The following ITGB3 variants were observed in gnomAD, a reference collection of about 807,000 sequenced individuals.
ITGB3 encodes the protein integrin beta-3.
In ITGB3, 48 loss-of-function variants were observed where a neutral mutation model predicts 85.8. The observed-to-expected ratio is 0.56, with a 90% CI of 0.44 to 0.71. The LOEUF (loss-of-function observed/expected upper bound fraction) is 0.71. ITGB3 is among the 30% of genes least tolerant of loss of function. The pLI, the probability that ITGB3 is intolerant of heterozygous loss-of-function variation, is 0.00. For synonymous variants in ITGB3, 363 were observed against 395.6 expected (o/e 0.92, Z 0.98); for missense variants, 861 against 1,019.1 (o/e 0.84, Z 2.11).
At chr17:47,309,723 ATC>A (rs2065205405) in intron 14 of ITGB3, among the ~76,000 whole-genome samples, 1 of 151,652 alleles carries the variant, frequency 6.6e-6, no homozygotes, top group Non-Finnish European at 1.5e-5. Context: ...AAGAAACCCC[ATC>A]TCTACAAAAA....
At position 47,297,835 on chromosome 17, in the gene ITGB3, T is replaced by C. The variant is rs1403527631; in HGVS notation, c.1691-1473T>C. Reference sequence around the variant, plus strand: ...AGTTTGAAGTTACAGTGAGCAATGATTGCACCACTGCACTGTAGCCTGGGT... The same window carrying C: ...AGTTTGAAGTTACAGTGAGCAATGACTGCACCACTGCACTGTAGCCTGGGT... On this transcript the variant is annotated intron_variant, in intron 10 of 14. Coordinates refer to ENST00000559488, the MANE Select transcript of ITGB3 (RefSeq NM_000212.3). 2.7e-5 allele frequency among the ~76,000 whole-genome samples: 4 copies of C among 147,722 alleles called. No individual in the cohort carries two copies. The South Asian group carries it at 6.4e-4, about 24-fold the overall frequency.
At chr17:47,259,324 T>G (rs913688959) in intron 1 of ITGB3, 6 of 151,168 alleles carry the variant, frequency 4.0e-5, no homozygotes, top group African/African-American at 1.5e-4. Context: ...CTTGACTTTT[T>G]TTTTTTCCTT....
At chr17:47,266,970 A>T (rs914606001) in intron 1 of ITGB3, among the ~76,000 whole-genome samples, 2 of 151,722 alleles carry the variant, frequency 1.3e-5, no homozygotes, top group Non-Finnish European at 2.9e-5. Flanking sequence ...CGCTCCCACG[A>T]CTCCTTCTGC....
At chr17:47,263,036 C>CA (rs1421488486) in intron 1 of ITGB3, among the ~76,000 whole-genome samples, 1 of 152,078 alleles carries the variant, frequency 6.6e-6, no homozygotes, top group East Asian at 1.9e-4. Flanking sequence ...GACATAGACT[C>CA]AAAGAGGCAC....
chr17:47,282,816 C>T (rs149230846), intron 2 of ITGB3, among the ~76,000 whole-genome samples: 6 of 152,326 alleles, frequency 3.9e-5, no homozygotes, highest in African/African-American at 1.4e-4. Flanking sequence ...TCTCCACTCT[C>T]CTCCAACAAT....
chr17:47,283,038 G>A (rs895045463), intron 2 of ITGB3, among the ~76,000 whole-genome samples: 1 of 151,836 alleles, frequency 6.6e-6, no homozygotes, highest in Non-Finnish European at 1.5e-5. Context: ...CCATGAATAG[G>A]CCTTCTTGAT....
In ITGB3 at chr17:47,312,419, T is replaced by C. The variant is rs572644422; in HGVS notation, c.*2215T>C. ...GGGATAAATAGGGGGCGGGGAGGGATAGTCATGGATCCAAGAAGTCCTTAG... is the reference window on the plus strand; with the variant it reads ...GGGATAAATAGGGGGCGGGGAGGGACAGTCATGGATCCAAGAAGTCCTTAG... On this transcript the variant is annotated 3_prime_UTR_variant, in exon 15 of 15. Coordinates refer to ENST00000559488, the MANE Select transcript of ITGB3 (RefSeq NM_000212.3). 2.6e-5 allele frequency among the ~76,000 whole-genome samples: 4 copies of C among 152,230 alleles called. No individual in the cohort carries two copies. Among genetic ancestry groups the C allele is most frequent in the African/African-American group, 9.6e-5 (4 of 41,536 alleles).
At chr17:47,261,653 G>A (rs1257682245) in intron 1 of ITGB3, among the ~76,000 whole-genome samples, 1 of 151,876 alleles carries the variant, frequency 6.6e-6, no homozygotes, top group Admixed American at 6.6e-5. Flanking sequence ...CCGAGTAGCT[G>A]GGATCACAGG....
chr17:47,302,917 A>G, intron 13 of ITGB3, 77 bp downstream of exon 13: 4 of 1,563,328 alleles, frequency 2.6e-6, no homozygotes, highest in Admixed American at 3.4e-5. Flanking sequence ...ATCTCTACTC[A>G]TCGAAGCTGT....
At chr17:47,296,755 A>G (rs1367793157) in intron 10 of ITGB3, among the ~76,000 whole-genome samples, 1 of 152,172 alleles carries the variant, frequency 6.6e-6, no homozygotes, top group Non-Finnish European at 1.5e-5. Context: ...GTCCTCCCCA[A>G]CAAAAAATTA....
rs182283778 is a variant in ITGB3, at chr17:47,255,383, A to G, written c.79+1443A>G. Among the ~76,000 whole-genome samples the G allele has an allele frequency of 1.9e-3, 284 of 152,238 alleles. 1 individual carries two copies. Among genetic ancestry groups the G allele is most frequent in the Admixed American group, 2.9e-3 (45 of 15,290 alleles). ...CGTCAAGACTCTTCTGTGTATGTAT[A>G]GACGTATAACTCATTCTGGACAGGG... On this transcript the variant is annotated intron_variant, in intron 1 of 14. Transcript: ENST00000559488.
At chr17:47,288,080 GTCTT>G (rs1379940688) in intron 6 of ITGB3, among the ~76,000 whole-genome samples, 1 of 151,668 alleles carries the variant, frequency 6.6e-6, no homozygotes, top group African/African-American at 2.4e-5. Context: ...TGAAAACAGG[GTCTT>G]TCTATGTTGC....
intron 14 of ITGB3, among the ~76,000 whole-genome samples, chr17:47,308,943 C>T (rs978642370): frequency 7.4e-5 from 11 of 148,068 alleles, no homozygotes; most frequent in Non-Finnish European, 1.5e-4. Context: ...CCTCCTCTCC[C>T]ATTCCCTCCC....
intron 1 of ITGB3, among the ~76,000 whole-genome samples, chr17:47,255,972 T>A (rs1056747059): frequency 1.5e-4 from 21 of 142,744 alleles, no homozygotes; most frequent in Admixed American, 4.8e-4. Context: ...TCAGTAAAAA[T>A]AAATAAATAA....
chr17:47,268,663 C>T (rs1187660326), intron 1 of ITGB3, among the ~76,000 whole-genome samples: 12 of 152,230 alleles, frequency 7.9e-5, no homozygotes, highest in Admixed American at 7.9e-4. Flanking sequence ...TGTGGCTTTG[C>T]AGGGTACAGC....
intron 1 of ITGB3, among the ~76,000 whole-genome samples, chr17:47,261,847 C>T (rs913104262): frequency 1.8e-4 from 28 of 152,304 alleles, no homozygotes; most frequent in African/African-American, 6.7e-4. Flanking sequence ...ATACTCTAGG[C>T]ATCTTTTTAT....
chr17:47,282,511 G>A (rs2065087475), intron 2 of ITGB3, among the ~76,000 whole-genome samples: 1 of 152,224 alleles, frequency 6.6e-6, no homozygotes, highest in Non-Finnish European at 1.5e-5. Context: ...ACTAGGCTTG[G>A]AGGAATTAGG....
intron 8 of ITGB3, 102 bp downstream of exon 8, chr17:47,290,376 G>A (rs892005086): frequency 2.2e-5 from 21 of 965,986 alleles, no homozygotes; most frequent in Non-Finnish European, 3.2e-5. Flanking sequence ...TCTACCACAC[G>A]GTCTTACTGC....
rs183290178 is a variant in ITGB3, at chr17:47,281,110, T to C, written c.166-2244T>C. 5.9e-5 allele frequency among the ~76,000 whole-genome samples: 9 copies of C among 152,378 alleles called. No individual in the cohort carries two copies. In the East Asian group the frequency reaches 1.5e-3, roughly 26 times the overall value. On this transcript the variant is annotated intron_variant, in intron 2 of 14. Transcript: ENST00000559488. ...TATAATAGTTCCAGCATTATGGAAC[T>C]GTCAGGCATATTGCAATAATCCATG...
Sources: gnomAD v4.1 joint callset for allele counts (sites outside exome capture counted in the v4.1 genomes callset) on GRCh38, gnomAD v4.1.1 for gene constraint, MANE v1.5 for transcripts, NCBI Gene and HGNC (gene_info 2026-07-23, HGNC 2026-07-21) for gene names.